The following DENND2B variants were observed in gnomAD, a reference collection of about 807,000 sequenced individuals.
The protein encoded by DENND2B is DENN domain-containing protein 2B.
A neutral mutation model predicts 116.0 loss-of-function variants in DENND2B; 32 were observed. That is an observed-to-expected ratio of 0.28 (90% CI 0.21 to 0.37). DENND2B has a LOEUF of 0.37. Ranked by LOEUF, DENND2B falls within the 10% of genes least tolerant of loss-of-function variation. The probability of loss-of-function intolerance (pLI) is 1.00; values close to 1 mark genes in which losing one functional copy is unlikely to be tolerated. For synonymous variants in DENND2B, 588 were observed against 583.9 expected (o/e 1.01, Z -0.10); for missense variants, 1,276 against 1,477.7 (o/e 0.86, Z 2.24).
intron 2 of DENND2B, among the ~76,000 whole-genome samples, chr11:8,731,453 G>A (rs2048112079): frequency 6.6e-6 from 1 of 152,162 alleles, no homozygotes; most frequent in Non-Finnish European, 1.5e-5. Context: ...CCTGAGTAAT[G>A]TCTGAAACAG....
intron 11 of DENND2B, among the ~76,000 whole-genome samples, chr11:8,709,426 C>A (rs1029277991): frequency 1.3e-5 from 2 of 152,206 alleles, no homozygotes; most frequent in Non-Finnish European, 2.9e-5. Flanking sequence ...TCCCTGGGGG[C>A]AGCAGCCCCA....
intron 1 of DENND2B, among the ~76,000 whole-genome samples, chr11:8,903,845 T>C (rs1279035472): frequency 1.5e-5 from 2 of 134,122 alleles, no homozygotes; most frequent in African/African-American, 2.9e-5. Context: ...GCTGTGATTA[T>C]GCCACGGCAC....
chr11:8,746,878 TCTTC>T (rs2051362385), intron 2 of DENND2B, among the ~76,000 whole-genome samples: 1 of 152,208 alleles, frequency 6.6e-6, no homozygotes, highest in African/African-American at 2.4e-5. Flanking sequence ...CTTGAGTACC[TCTTC>T]CTACTAGTTT....
chr11:8,733,225 G>T (rs2048402745), intron 2 of DENND2B, among the ~76,000 whole-genome samples: 1 of 152,180 alleles, frequency 6.6e-6, no homozygotes, highest in African/African-American at 2.4e-5. Flanking sequence ...GCTTGAGGCG[G>T]GGGGAGATCC....
Position 8,714,023 on chromosome 11 carries a change from C to G in DENND2B, c.1962G>C (p.Glu654Asp). ...CTTTGAACCTGTCATCAGAGTCGCTCTCGCTCTCACTGTTTTCATCTGGAA... is the reference window on the plus strand; with the variant it reads ...CTTTGAACCTGTCATCAGAGTCGCTGTCGCTCTCACTGTTTTCATCTGGAA... ...ASLRDENSES[E>D]SDSDDRFKAH... The change falls in exon 8 of 20, where the codon GAG becomes GAC. Residue 654 changes from glutamate (E) to aspartate (D), a missense_variant. Transcript: ENST00000313726. 2 of 1,613,026 alleles carry G rather than the reference C, an allele frequency of 1.2e-6. No individual in the cohort carries two copies. Among genetic ancestry groups the G allele is most frequent in the Admixed American group, 3.3e-5 (2 of 60,014 alleles).
At chr11:8,859,462 C>T (rs1405535143) in intron 2 of DENND2B, among the ~76,000 whole-genome samples, 1 of 152,138 alleles carries the variant, frequency 6.6e-6, no homozygotes, top group Non-Finnish European at 1.5e-5. Flanking sequence ...CGCCCGCCAT[C>T]GCGCCCGGCT....
intron 3 of DENND2B, among the ~76,000 whole-genome samples, chr11:8,850,299 C>T (rs1263107029): frequency 6.6e-6 from 1 of 151,980 alleles, no homozygotes; most frequent in Non-Finnish European, 1.5e-5. Flanking sequence ...TATAAAACTG[C>T]TTGATCTGAT....
chr11:8,710,477 G>A (rs1369498676), intron 11 of DENND2B, among the ~76,000 whole-genome samples: 2 of 152,022 alleles, frequency 1.3e-5, no homozygotes, highest in African/African-American at 2.4e-5. Flanking sequence ...ACATACTGCT[G>A]GGGGCGATTC....
intron 3 of DENND2B, among the ~76,000 whole-genome samples, chr11:8,851,258 T>A (rs2062996647): frequency 6.6e-6 from 1 of 152,014 alleles, no homozygotes; most frequent in Non-Finnish European, 1.5e-5. Context: ...TCTAAATATA[T>A]ATATATATAA....
At chr11:8,711,301 C>CAGGGGAGGAGGGG in intron 9 of DENND2B, 70 bp from the exon 10 acceptor site, 2 of 1,415,190 alleles carry the variant, frequency 1.4e-6, no homozygotes, top group Non-Finnish European at 2.0e-6. Context: ...AGAAGCCCCT[C>CAGGGGAGGAGGGG]CTCCCCTGAG....
In DENND2B at chr11:8,699,440, T is replaced by C. The variant is rs1298704293; in HGVS notation, c.2721-50A>G. 10 of 1,525,554 alleles carry C rather than the reference T, an allele frequency of 6.6e-6. No homozygotes were observed. In the Admixed American group the frequency reaches 1.3e-4, roughly 20 times the overall value. The allele number at this position is 1,525,554 out of a possible 1,614,324, so 94.5% of individuals were successfully genotyped here. The stretch of plus-strand genomic sequence containing the variant: ...GTACCTGAGCCCAGGCCCAGGAACT[T>C]AGAGCTCGCTGGAGGCTCAGGACAG... On this transcript the variant is annotated intron_variant, in intron 14 of 19. Transcript: ENST00000313726.
chr11:8,885,050 C>A (rs1442681610), intron 1 of DENND2B, among the ~76,000 whole-genome samples: 1 of 152,222 alleles, frequency 6.6e-6, no homozygotes, highest in African/African-American at 2.4e-5. Context: ...CCCATTGGTA[C>A]CTGTGTGACA....
chr11:8,702,305 G>A lies in DENND2B; in HGVS notation c.2720+267C>T, dbSNP rs2041850437. On this transcript the variant is annotated intron_variant, in intron 14 of 19. Transcript: ENST00000313726. This position sits in a 1 kb window ranked among gnomAD's most constrained non-coding sequence, Gnocchi z 4.6. ...ATATCCCGGCACCTGCACAGTCTTGGCTGTTGCAAAGGAAGAAATATCCCT... is the reference window on the plus strand; with the variant it reads ...ATATCCCGGCACCTGCACAGTCTTGACTGTTGCAAAGGAAGAAATATCCCT... 6.6e-6 allele frequency among the ~76,000 whole-genome samples: 1 copy of A among 152,032 alleles called. No individual in the cohort carries two copies. Among genetic ancestry groups the A allele is most frequent in the Non-Finnish European group, 1.5e-5 (1 of 68,010 alleles).
At chr11:8,908,786 T>C (rs2064271309) in intron 1 of DENND2B, among the ~76,000 whole-genome samples, 1 of 152,240 alleles carries the variant, frequency 6.6e-6, no homozygotes, top group African/African-American at 2.4e-5. Flanking sequence ...CTTGGTATTA[T>C]AGATTTTATG....
intron 6 of DENND2B, 49 bp downstream of exon 6, chr11:8,715,554 C>T: frequency 6.3e-7 from 1 of 1,592,476 alleles, no homozygotes. Context: ...GGCTGGCTGC[C>T]TGCCCGCCCA....
chr11:8,822,577 G>A (rs1436020043), intron 4 of DENND2B, among the ~76,000 whole-genome samples: 1 of 152,184 alleles, frequency 6.6e-6, no homozygotes, highest in African/African-American at 2.4e-5. Flanking sequence ...ACTGAGATAG[G>A]ATTTAAAACT....
At chr11:8,855,651 T>C (rs1470146386) in intron 3 of DENND2B, among the ~76,000 whole-genome samples, 1 of 151,988 alleles carries the variant, frequency 6.6e-6, no homozygotes, top group Non-Finnish European at 1.5e-5. Flanking sequence ...GAGAAGGCTC[T>C]TCTTTGGGAT....
At chr11:8,896,838 T>C (rs2064108105) in intron 1 of DENND2B, among the ~76,000 whole-genome samples, 1 of 152,272 alleles carries the variant, frequency 6.6e-6, no homozygotes, top group African/African-American at 2.4e-5. Flanking sequence ...ATTAAATGCA[T>C]TTTTGACTTA....
intron 1 of DENND2B, among the ~76,000 whole-genome samples, chr11:8,806,244 T>C (rs1167233914): frequency 3.3e-5 from 5 of 152,062 alleles, no homozygotes. Flanking sequence ...CCATCCACTA[T>C]GTGATTTCCA....
Sources: gnomAD v4.1 joint callset for allele counts (sites outside exome capture counted in the v4.1 genomes callset) on GRCh38, gnomAD v4.1.1 for gene constraint, Gnocchi (gnomAD v3.1) non-coding constraint, MANE v1.5 for transcripts, NCBI Gene and HGNC (gene_info 2026-07-23, HGNC 2026-07-21) for gene names.